SPOCK3: variants seen among roughly 807,000 people sequenced by gnomAD.
The protein encoded by SPOCK3 is SPARC (osteonectin), cwcv and kazal like domains proteoglycan 3, also known as testican-3.
A neutral mutation model predicts 56.6 loss-of-function variants in SPOCK3; 30 were observed. That is an observed-to-expected ratio of 0.53 (90% confidence interval 0.40 to 0.72). The LOEUF (loss-of-function observed/expected upper bound fraction) is 0.72, where lower values mean the gene tolerates loss of function less well. SPOCK3 is among the 30% of genes least tolerant of loss of function. SPOCK3 has a pLI of 0.00. For missense variants in SPOCK3, 527 were observed against 530.0 expected (o/e 0.99, Z 0.06); for synonymous variants, 196 against 183.3 (o/e 1.07, Z -0.56).
chr4:166,973,277 G>A (rs1046429139), intron 4 of SPOCK3, among the ~76,000 whole-genome samples: 20 of 152,252 alleles, frequency 1.3e-4, no homozygotes, highest in Non-Finnish European at 1.8e-4. Flanking sequence ...CCCCAGCCAT[G>A]CAAAGCTGTG....
intron 6 of SPOCK3, among the ~76,000 whole-genome samples, chr4:166,885,635 T>G (rs1391501776): frequency 6.6e-6 from 1 of 151,518 alleles, no homozygotes; most frequent in Non-Finnish European, 1.5e-5. Flanking sequence ...TAAAATAGGT[T>G]ATTTTCCTTC....
At chr4:167,127,953 G>A (rs1377840216) in intron 2 of SPOCK3, among the ~76,000 whole-genome samples, 2 of 152,138 alleles carry the variant, frequency 1.3e-5, no homozygotes, top group South Asian at 2.1e-4. Flanking sequence ...AGCATTAGAC[G>A]TTTAATAGCT....
At chr4:167,036,737 T>A (rs1752790798) in intron 3 of SPOCK3, among the ~76,000 whole-genome samples, 1 of 152,182 alleles carries the variant, frequency 6.6e-6, no homozygotes, top group Non-Finnish European at 1.5e-5. Flanking sequence ...ACATATTGTT[T>A]ATATTATTCT....
intron 4 of SPOCK3, among the ~76,000 whole-genome samples, chr4:166,996,269 C>T (rs188987506): frequency 1.4e-4 from 21 of 152,248 alleles, no homozygotes; most frequent in Non-Finnish European, 2.1e-4. Context: ...TTCAACCTTA[C>T]TCTGTCTTAT....
intron 6 of SPOCK3, among the ~76,000 whole-genome samples, chr4:166,793,383 GGAA>G (rs1332983044): frequency 1.3e-5 from 2 of 152,060 alleles, no homozygotes; most frequent in Non-Finnish European, 2.9e-5. Flanking sequence ...GGGCCACACT[GGAA>G]GAAGAATTGT....
intron 6 of SPOCK3, among the ~76,000 whole-genome samples, chr4:166,857,288 G>A (rs965953936): frequency 4.6e-5 from 7 of 152,100 alleles, no homozygotes; most frequent in South Asian, 2.1e-4. Context: ...CCATATCACC[G>A]CCCAAGGCTC....
intron 4 of SPOCK3, among the ~76,000 whole-genome samples, chr4:166,969,758 G>A (rs573018563): frequency 4.6e-5 from 7 of 152,234 alleles, no homozygotes; most frequent in African/African-American, 1.4e-4. Context: ...ATAGCAGGGT[G>A]AGAATAGACT....
At chr4:166,930,516 G>A in intron 4 of SPOCK3, among the ~76,000 whole-genome samples, 1 of 151,828 alleles carries the variant, frequency 6.6e-6, no homozygotes, top group East Asian at 1.9e-4. Flanking sequence ...GATAGTCACA[G>A]TTCAATGGAC....
chr4:166,792,944 A>G (rs1741510043), intron 6 of SPOCK3, among the ~76,000 whole-genome samples: 1 of 152,168 alleles, frequency 6.6e-6, no homozygotes, highest in Non-Finnish European at 1.5e-5. Flanking sequence ...TTTTTTAAAG[A>G]TATCATTATT....
chr4:167,011,210 G>A (rs931760332), intron 3 of SPOCK3: 10 of 445,736 alleles, frequency 2.2e-5, no homozygotes, highest in Admixed American at 9.7e-5. Flanking sequence ...AAAAAATGCG[G>A]GAAAAGCTTA....
At chr4:167,064,054 TAAGG>T (rs1168547378) in intron 2 of SPOCK3, among the ~76,000 whole-genome samples, 1 of 151,880 alleles carries the variant, frequency 6.6e-6, no homozygotes, top group Admixed American at 6.6e-5. Context: ...CTCCACTGTA[TAAGG>T]AAGAAAATGT....
chr4:167,011,485 C>A (rs975520683), intron 3 of SPOCK3, among the ~76,000 whole-genome samples: 7 of 152,096 alleles, frequency 4.6e-5, no homozygotes, highest in African/African-American at 1.4e-4. Context: ...TTATTTATTA[C>A]AATTTCACAT....
intron 2 of SPOCK3, among the ~76,000 whole-genome samples, chr4:167,205,540 T>A (rs1176477548): frequency 1.8e-5 from 1 of 57,004 alleles, no homozygotes; most frequent in African/African-American, 8.9e-5. Flanking sequence ...TTATATAATA[T>A]ATATTATATA....
chr4:166,944,195 C>T, intron 4 of SPOCK3, among the ~76,000 whole-genome samples: 1 of 151,984 alleles, frequency 6.6e-6, no homozygotes, highest in Non-Finnish European at 1.5e-5. Context: ...TTACAAAAAA[C>T]ATTCTTCAAA....
At chr4:167,031,657 A>T (rs1752286343) in intron 3 of SPOCK3, among the ~76,000 whole-genome samples, 1 of 151,990 alleles carries the variant, frequency 6.6e-6, no homozygotes, top group East Asian at 1.9e-4. Context: ...ACCGGGCATG[A>T]AGTAGAGTAT....
intron 3 of SPOCK3, among the ~76,000 whole-genome samples, chr4:167,004,010 G>GCATT (rs1749212519): frequency 6.6e-6 from 1 of 152,248 alleles, no homozygotes; most frequent in African/African-American, 2.4e-5. Flanking sequence ...GCTGCCTCAG[G>GCATT]CATTCCCACC....
intron 4 of SPOCK3, among the ~76,000 whole-genome samples, chr4:166,959,874 A>G (rs1410073710): frequency 1.3e-5 from 2 of 152,166 alleles, no homozygotes; most frequent in African/African-American, 4.8e-5. Context: ...AATTTAATTA[A>G]GGGAGTAGGC....
At chr4:167,080,257 G>A (rs1757587779) in intron 2 of SPOCK3, among the ~76,000 whole-genome samples, 1 of 152,036 alleles carries the variant, frequency 6.6e-6, no homozygotes, top group African/African-American at 2.4e-5. Flanking sequence ...ATGTTCTGTT[G>A]CACTAGTGGC....
chr4:166,918,834 G>A (rs562200638), intron 4 of SPOCK3, among the ~76,000 whole-genome samples: 27 of 152,240 alleles, frequency 1.8e-4, no homozygotes, highest in Admixed American at 1.7e-3. Flanking sequence ...TCATAGGGGT[G>A]GATCCCTCAT....
Sources: gnomAD v4.1 joint callset for allele counts (sites outside exome capture counted in the v4.1 genomes callset) on GRCh38, gnomAD v4.1.1 for gene constraint, MANE v1.5 for transcripts, NCBI Gene and HGNC (gene_info 2026-07-23, HGNC 2026-07-21) for gene names.